LGR5: variants seen among roughly 807,000 people sequenced by gnomAD.
LGR5 encodes the protein leucine rich repeat containing G protein-coupled receptor 5, also known as leucine-rich repeat-containing G protein-coupled receptor 5.
A neutral mutation model predicts 76.7 loss-of-function variants in LGR5; 54 were observed. The ratio of observed to expected loss-of-function variants is 0.70; its 90% CI spans 0.57 to 0.88. LGR5 has a LOEUF of 0.88. LGR5 is among the 40% of genes least tolerant of loss of function. LGR5 has a pLI of 0.00. For synonymous variants in LGR5, 406 were observed against 421.9 expected (o/e 0.96, Z 0.46); for missense variants, 1,078 against 1,073.3 (o/e 1.00, Z -0.06).
intron 3 of LGR5, 101 bp from the exon 4 acceptor site, chr12:71,535,014 G>A (rs1876512593): frequency 2.9e-6 from 2 of 693,080 alleles, no homozygotes; most frequent in Non-Finnish European, 4.9e-6. Flanking sequence ...TTTGTCTGAT[G>A]CTCTGTTGTT....
At chr12:71,525,663 T>C (rs1293653741) in intron 3 of LGR5, among the ~76,000 whole-genome samples, 2 of 151,832 alleles carry the variant, frequency 1.3e-5, no homozygotes, top group Non-Finnish European at 2.9e-5. Flanking sequence ...AAATAAATTT[T>C]ACTAGAATCA....
At chr12:71,551,863 A>T (rs887957980) in intron 4 of LGR5, among the ~76,000 whole-genome samples, 4 of 152,358 alleles carry the variant, frequency 2.6e-5, no homozygotes, top group Admixed American at 2.0e-4. Flanking sequence ...TTTATTATTC[A>T]TTTAAAATGT....
chr12:71,477,908 C>T (rs143643509), intron 1 of LGR5, among the ~76,000 whole-genome samples: 1 of 152,296 alleles, frequency 6.6e-6, no homozygotes, highest in East Asian at 1.9e-4. Flanking sequence ...GATACAACTC[C>T]TTGCCTCTGA....
intron 1 of LGR5, among the ~76,000 whole-genome samples, chr12:71,502,134 T>G (rs184473981): frequency 2.0e-5 from 3 of 151,772 alleles, no homozygotes; most frequent in Non-Finnish European, 2.9e-5. Flanking sequence ...AATTACAATA[T>G]GATATGTCAG....
In LGR5 at chr12:71,440,341, A is replaced by T; in HGVS notation, c.212+49A>T. 6.4e-7 allele frequency: 1 copy of T among 1,572,994 alleles called. No individual in the cohort carries two copies. The highest frequency in any genetic ancestry group is 8.7e-7 in the Non-Finnish European group (1 of 1,155,496). ...CGGGAGAGAGACTAAGAGGGGAAGG[A>T]AGGTTCGTCCAAGGCGAGGCTGGAG... On this transcript the variant is annotated intron_variant, in intron 1 of 17. Transcript: ENST00000266674. The surrounding 1 kb of genome is among the most constrained non-coding windows in gnomAD (Gnocchi z 5.3).
At chr12:71,570,499 G>A (rs1042255678) in intron 11 of LGR5, among the ~76,000 whole-genome samples, 3 of 152,030 alleles carry the variant, frequency 2.0e-5, no homozygotes, top group Admixed American at 2.0e-4. Context: ...TTGATAATAT[G>A]TGTGTCCATT....
At chr12:71,484,890 A>G (rs1045267077) in intron 1 of LGR5, among the ~76,000 whole-genome samples, 3 of 152,248 alleles carry the variant, frequency 2.0e-5, no homozygotes, top group African/African-American at 7.2e-5. Flanking sequence ...GCTTTGGTTT[A>G]AGTGTCTCTT....
At chr12:71,477,947 G>A (rs1204292462) in intron 1 of LGR5, among the ~76,000 whole-genome samples, 3 of 152,056 alleles carry the variant, frequency 2.0e-5, no homozygotes, top group East Asian at 1.9e-4. Context: ...ATCAATATGC[G>A]CTTCTTGAGT....
chr12:71,567,832 G>C (rs191233589), intron 11 of LGR5, among the ~76,000 whole-genome samples: 1 of 152,108 alleles, frequency 6.6e-6, no homozygotes, highest in Non-Finnish European at 1.5e-5. Flanking sequence ...AGGGAGTATA[G>C]AGCAAATCTT....
At chr12:71,530,025 A>G (rs554623784) in intron 3 of LGR5, among the ~76,000 whole-genome samples, 2 of 151,988 alleles carry the variant, frequency 1.3e-5, no homozygotes, top group African/African-American at 4.8e-5. Flanking sequence ...AGGTAGTTGC[A>G]TATGAGCATC....
At chr12:71,540,801 T>C (rs1876837375) in intron 4 of LGR5, among the ~76,000 whole-genome samples, 1 of 151,968 alleles carries the variant, frequency 6.6e-6, no homozygotes, top group African/African-American at 2.4e-5. Context: ...GACAAGGAAG[T>C]GTAAGCAGAC....
intron 1 of LGR5, among the ~76,000 whole-genome samples, chr12:71,501,748 C>T (rs1395462208): frequency 6.6e-6 from 1 of 152,062 alleles, no homozygotes; most frequent in East Asian, 1.9e-4. Flanking sequence ...TTTATTTCAC[C>T]TTTTTAGTAA....
intron 1 of LGR5, among the ~76,000 whole-genome samples, chr12:71,463,855 A>G (rs1033822221): frequency 6.6e-6 from 1 of 151,906 alleles, no homozygotes; most frequent in Non-Finnish European, 1.5e-5. Context: ...ATGTGTGTGT[A>G]TATATATAAT....
chr12:71,498,605 G>A (rs1874443132), intron 1 of LGR5, among the ~76,000 whole-genome samples: 1 of 152,082 alleles, frequency 6.6e-6, no homozygotes. Context: ...TCATCATGGG[G>A]GCTCCTCTTT....
At position 71,584,286 on chromosome 12, in the gene LGR5, T is replaced by G. The variant is rs752796163; in HGVS notation, c.2276T>G (p.Ile759Ser). The change falls in exon 18 of 18, where the codon ATT becomes AGT. Residue 759 changes from isoleucine (I) to serine (S), a missense_variant. Physicochemically the swap from Ile to Ser is moderately radical, Grantham distance 142. Transcript: ENST00000266674. ...TTGGACAAGGGAGACCTGGAGAATA[T>G]TTGGGACTGCTCTATGGTAAAACAC... ...CNLDKGDLEN[I>S]WDCSMVKHIA... The G allele has an allele frequency of 6.2e-7, 1 of 1,614,220 alleles. No individual in the cohort carries two copies. The highest frequency in any genetic ancestry group is 2.2e-5 in the East Asian group (1 of 44,880).
rs764748505 is a variant in LGR5 at position 71,578,846 on chromosome 12, G to A, written c.1323G>A (p.Gly441=). ...SNLLSSFPIT[G]LHGLTHLKLT... ...TCCTGTCGTCTTTTCCTATAACTGG[G>A]TTACATGGTTTAACTCACTTAAAAT... is the stretch of plus-strand genomic sequence containing the variant. Residue 441 remains glycine, a synonymous_variant, in exon 15 of 18, where the codon GGG becomes GGA. Coordinates refer to ENST00000266674, the MANE Select transcript of LGR5 (RefSeq NM_003667.4). 5.6e-6 allele frequency: 9 copies of A among 1,611,238 alleles called. No homozygotes were observed. The African/African-American group carries it at 8.0e-5, about 14-fold the overall frequency.
intron 4 of LGR5, among the ~76,000 whole-genome samples, chr12:71,539,813 A>G (rs956379529): frequency 6.6e-6 from 1 of 152,136 alleles, no homozygotes; most frequent in African/African-American, 2.4e-5. Flanking sequence ...ATGCTAACAA[A>G]TTGCTGGGCT....
chr12:71,544,976 A>T (rs557161802), intron 4 of LGR5, among the ~76,000 whole-genome samples: 136 of 152,180 alleles, frequency 8.9e-4, no homozygotes, highest in African/African-American at 2.6e-3. Context: ...TTATTTTTTT[A>T]AAATGCTCAT....
At chr12:71,507,819 C>G (rs1245819099) in intron 2 of LGR5, among the ~76,000 whole-genome samples, 1 of 151,942 alleles carries the variant, frequency 6.6e-6, no homozygotes, top group Non-Finnish European at 1.5e-5. Context: ...TTTCATTCAG[C>G]TTATTCAGCT....
Sources: gnomAD v4.1 joint callset for allele counts (sites outside exome capture counted in the v4.1 genomes callset) on GRCh38, gnomAD v4.1.1 for gene constraint, Gnocchi (gnomAD v3.1) non-coding constraint, MANE v1.5 for transcripts, NCBI Gene and HGNC (gene_info 2026-07-23, HGNC 2026-07-21) for gene names.